The following HELQ variants were observed in gnomAD, a reference collection of about 807,000 sequenced individuals.
HELQ encodes helicase POLQ-like.
HELQ carries 77 observed loss-of-function variants against 111.6 expected under a neutral mutation model. The observed-to-expected ratio is 0.69, with a 90% CI of 0.57 to 0.83. The LOEUF (loss-of-function observed/expected upper bound fraction) is 0.83, where lower values mean the gene tolerates loss of function less well. Ranked by LOEUF, HELQ falls within the 40% of genes least tolerant of loss-of-function variation. The pLI is 0.00. For missense variants in HELQ, 1,200 were observed against 1,288.5 expected, an observed-to-expected ratio of 0.93 and a Z score of 1.05; for synonymous variants, 438 against 454.7, an observed-to-expected ratio of 0.96 and a Z score of 0.47.
intron 15 of HELQ, among the ~76,000 whole-genome samples, chr4:83,420,328 T>C (rs965142166): frequency 3.9e-5 from 6 of 152,152 alleles, no homozygotes; most frequent in Non-Finnish European, 8.8e-5. Context: ...TATACTAAAT[T>C]ACAGTGGCAA....
intron 2 of HELQ, among the ~76,000 whole-genome samples, chr4:83,449,393 G>A (rs1224077805): frequency 6.6e-6 from 1 of 152,242 alleles, no homozygotes; most frequent in Non-Finnish European, 1.5e-5. Flanking sequence ...AGAAGCAGGG[G>A]AAGGAGGGAA....
intron 13 of HELQ, among the ~76,000 whole-genome samples, chr4:83,426,606 C>T (rs1418101317): frequency 6.6e-6 from 1 of 151,810 alleles, no homozygotes; most frequent in African/African-American, 2.4e-5. Flanking sequence ...TTCTGTCACC[C>T]AGGCTGGAGT....
intron 3 of HELQ, 60 bp from the exon 4 acceptor site, chr4:83,447,095 C>G: frequency 3.6e-6 from 1 of 275,976 alleles, no homozygotes. Flanking sequence ...TGCCTGTAAT[C>G]CCAGTACCTT....
intron 17 of HELQ, among the ~76,000 whole-genome samples, chr4:83,411,694 G>A (rs1739110898): frequency 6.6e-6 from 1 of 151,886 alleles, no homozygotes; most frequent in Admixed American, 6.6e-5. Context: ...CCAGGTTGGA[G>A]TGCAGTGGCA....
intron 17 of HELQ, among the ~76,000 whole-genome samples, chr4:83,416,381 A>G (rs1739359465): frequency 6.6e-6 from 1 of 151,032 alleles, no homozygotes; most frequent in South Asian, 2.1e-4. Context: ...CACCACACCC[A>G]GTTAGTTTTT....
In HELQ at chr4:83,448,797, T is replaced by C. The variant is rs201563861; in HGVS notation, c.1177A>G (p.Ile393Val). Residue 393 changes from isoleucine (I) to valine (V), a missense_variant, in exon 3 of 18, where the codon ATT becomes GTT. Transcript: ENST00000295488. ...DVLMILPYVAIVQEKISGLSS... is the reference protein window; with the variant it reads ...DVLMILPYVAVVQEKISGLSS... Reference sequence around the variant, plus strand: ...CACACACACACCTTTTCTTGGACAATTGCCACATATGGAAGAATCATTAAA... The same window carrying C: ...CACACACACACCTTTTCTTGGACAACTGCCACATATGGAAGAATCATTAAA... The C allele has an allele frequency of 2.7e-5, 43 of 1,612,684 alleles. No homozygotes were observed. Among genetic ancestry groups the C allele is most frequent in the Admixed American group, 2.0e-4 (12 of 59,844 alleles).
chr4:83,411,935 A>G (rs889536464), intron 17 of HELQ, among the ~76,000 whole-genome samples: 3 of 152,106 alleles, frequency 2.0e-5, no homozygotes, highest in Admixed American at 6.6e-5. Flanking sequence ...GAGCCACTAC[A>G]CCTGAGCCTG....
chr4:83,427,334 A>G (rs1016748791), intron 13 of HELQ, among the ~76,000 whole-genome samples: 1 of 152,174 alleles, frequency 6.6e-6, no homozygotes, highest in African/African-American at 2.4e-5. Flanking sequence ...TTTAATAGAG[A>G]AAAAAAGTGA....
chr4:83,415,393 T>A (rs1739306270), intron 17 of HELQ, among the ~76,000 whole-genome samples: 2 of 152,186 alleles, frequency 1.3e-5, no homozygotes, highest in South Asian at 4.1e-4. Context: ...GATGCAATGG[T>A]AGAAATTTTA....
chr4:83,420,235 T>C (rs531574798), intron 15 of HELQ, among the ~76,000 whole-genome samples: 135 of 152,382 alleles, frequency 8.9e-4, no homozygotes, highest in African/African-American at 3.2e-3. Flanking sequence ...ATATGACCAG[T>C]ATAAGGTTTC....
At chr4:83,418,279 G>T (rs541219970) in intron 15 of HELQ, 73 bp from the exon 16 acceptor site, 3 of 749,424 alleles carry the variant, frequency 4.0e-6, no homozygotes, top group African/African-American at 3.6e-5. Context: ...TGTGATAGGG[G>T]GCTCAGAGAG....
chr4:83,423,847 G>T (rs531847372), intron 14 of HELQ, among the ~76,000 whole-genome samples: 1 of 152,080 alleles, frequency 6.6e-6, no homozygotes, highest in South Asian at 2.1e-4. Flanking sequence ...GGAGGCGGAG[G>T]TTGCAGTGAG....
chr4:83,451,848 T>C (rs924728208), intron 2 of HELQ, among the ~76,000 whole-genome samples: 7 of 152,216 alleles, frequency 4.6e-5, no homozygotes, highest in Admixed American at 1.3e-4. Context: ...TCTTAAGTCA[T>C]GAACCTCACA....
intron 17 of HELQ, among the ~76,000 whole-genome samples, chr4:83,414,189 A>AG (rs762853019): frequency 6.6e-6 from 1 of 152,202 alleles, no homozygotes; most frequent in Non-Finnish European, 1.5e-5. Context: ...CTAGTGCCCT[A>AG]GTTCCATGGG....
chr4:83,421,527 T>G, intron 15 of HELQ, 36 bp downstream of exon 15: 2 of 1,522,326 alleles, frequency 1.3e-6, no homozygotes, highest in Non-Finnish European at 1.8e-6. Flanking sequence ...AACCAGAAGA[T>G]GCACAAAGTA....
chr4:83,424,850 G>A (rs1290755591), intron 14 of HELQ, among the ~76,000 whole-genome samples: 3 of 151,980 alleles, frequency 2.0e-5, no homozygotes, highest in South Asian at 2.1e-4. Context: ...CCACTGTGCC[G>A]GGCCCAATAT....
intron 4 of HELQ, among the ~76,000 whole-genome samples, chr4:83,446,399 TG>T (rs920703871): frequency 2.6e-5 from 4 of 152,140 alleles, no homozygotes; most frequent in African/African-American, 9.7e-5. Flanking sequence ...CTCCACCTCC[TG>T]GGTTACAGCG....
chr4:83,445,107 C>G (rs1720983737), intron 5 of HELQ, among the ~76,000 whole-genome samples: 1 of 152,074 alleles, frequency 6.6e-6, no homozygotes, highest in South Asian at 2.1e-4. Flanking sequence ...TATGTAGGAC[C>G]CTGGCTTGGC....
At chr4:83,415,456 G>A (rs1435754221) in intron 17 of HELQ, among the ~76,000 whole-genome samples, 1 of 152,136 alleles carries the variant, frequency 6.6e-6, no homozygotes, top group East Asian at 1.9e-4. Context: ...AACACTAAGA[G>A]TGTACAAAAA....
Sources: gnomAD v4.1 joint callset for allele counts (sites outside exome capture counted in the v4.1 genomes callset) on GRCh38, gnomAD v4.1.1 for gene constraint, MANE v1.5 for transcripts, NCBI Gene and HGNC (gene_info 2026-07-23, HGNC 2026-07-21) for gene names.